The following FBXO38 variants were observed in gnomAD, a reference collection of about 807,000 sequenced individuals.
FBXO38 encodes the protein F-box only protein 38.
FBXO38 carries 53 observed loss-of-function variants against 131.9 expected under a neutral mutation model. The ratio of observed to expected loss-of-function variants is 0.40; its 90% confidence interval spans 0.32 to 0.51. The LOEUF (loss-of-function observed/expected upper bound fraction) is 0.51, where lower values mean the gene tolerates loss of function less well. Ranked by LOEUF, FBXO38 falls within the 20% of genes least tolerant of loss-of-function variation. The pLI, the probability that FBXO38 is intolerant of heterozygous loss-of-function variation, is 0.53. For synonymous variants in FBXO38, 452 were observed against 505.6 expected, an observed-to-expected ratio of 0.89 and a Z score of 1.42; for missense variants, 1,076 against 1,475.6, an observed-to-expected ratio of 0.73 and a Z score of 4.44.
At chr5:148,391,120 A>C (rs1758175036) in intron 1 of FBXO38, among the ~76,000 whole-genome samples, 1 of 152,228 alleles carries the variant, frequency 6.6e-6, no homozygotes, top group African/African-American at 2.4e-5. Flanking sequence ...GTGTCACTGC[A>C]GTAAAATCTG....
At chr5:148,432,981 T>C (rs1754121075) in intron 15 of FBXO38, among the ~76,000 whole-genome samples, 1 of 152,180 alleles carries the variant, frequency 6.6e-6, no homozygotes, top group Admixed American at 6.5e-5. Flanking sequence ...TCAGAGACAT[T>C]GGCAGTGGGA....
intron 1 of FBXO38, chr5:148,389,705 A>AT (rs1049279201): frequency 1.3e-5 from 2 of 152,180 alleles, no homozygotes; most frequent in African/African-American, 4.8e-5. Context: ...AACTAAAAAG[A>AT]AAAGCAAATA....
chr5:148,438,608 C>G (rs1754489188), intron 18 of FBXO38, 110 bp downstream of exon 18: 1 of 1,118,348 alleles, frequency 8.9e-7, no homozygotes, highest in South Asian at 1.6e-5. Flanking sequence ...CTTGCCCAAC[C>G]TACAGTAATG....
intron 12 of FBXO38, 47 bp downstream of exon 12, chr5:148,417,251 T>C: frequency 7.7e-7 from 1 of 1,297,324 alleles, no homozygotes. Context: ...ATTTTCACTT[T>C]GTATTGTATT....
At chr5:148,441,947 C>A (rs1478309925) in intron 21 of FBXO38, 22 bp from the exon 22 acceptor site, 2 of 1,597,014 alleles carry the variant, frequency 1.3e-6, no homozygotes, top group Admixed American at 1.7e-5. Context: ...ATGTATCTCT[C>A]CTTTTATTTC....
In FBXO38 at chr5:148,406,217, A is replaced by G. The variant is rs1285394130; in HGVS notation, c.731-40A>G. The G allele has an allele frequency of 2.0e-6, 3 of 1,509,522 alleles. No individual in the cohort carries two copies. The African/African-American group carries it at 4.3e-5, about 22-fold the overall frequency. 93.5% of individuals were successfully genotyped at this position (1,509,522 alleles called of 1,614,324 possible). ...ACTGATTTGAAATTCATTTTAAGGC[A>G]CTTTACATTGTTCTATCAAAGATTT... is the stretch of plus-strand genomic sequence containing the variant. On this transcript the variant is annotated intron_variant, in intron 6 of 21. Transcript: ENST00000340253.
chr5:148,427,635 C>G lies in FBXO38; in HGVS notation c.2341C>G (p.Pro781Ala). The G allele has an allele frequency of 6.2e-7, 1 of 1,614,140 alleles. No homozygotes were observed. Among genetic ancestry groups the G allele is most frequent in the Non-Finnish European group, 8.5e-7 (1 of 1,180,014 alleles). Reference sequence around the variant, plus strand: ...CTGCCCCAGATGCTGCTGTCACAGGCCCCAGGAATCCCAAAGGAGAACTAG... The same window carrying G: ...CTGCCCCAGATGCTGCTGTCACAGGGCCCAGGAATCCCAAAGGAGAACTAG... ...SVCPRCCCHR[P>A]QESQRRTSRC... The change falls in exon 15 of 22, where the codon CCC (proline) becomes GCC (alanine). Residue 781 changes from proline to alanine, a missense_variant. Coordinates refer to ENST00000340253, the MANE Select transcript of FBXO38 (RefSeq NM_205836.3).
chr5:148,426,113 G>A (rs1204395514), intron 14 of FBXO38, among the ~76,000 whole-genome samples: 3 of 152,140 alleles, frequency 2.0e-5, no homozygotes, highest in South Asian at 2.1e-4. Flanking sequence ...GCTGGAAGGA[G>A]TCCTAAAGCA....
At chr5:148,420,207 C>T (rs1581266934) in intron 12 of FBXO38, among the ~76,000 whole-genome samples, 1 of 151,220 alleles carries the variant, frequency 6.6e-6, no homozygotes, top group Non-Finnish European at 1.5e-5. Flanking sequence ...ACTGTAGCCT[C>T]AAACTCCTGG....
At chr5:148,433,048 A>G (rs529603421) in intron 15 of FBXO38, among the ~76,000 whole-genome samples, 1 of 152,340 alleles carries the variant, frequency 6.6e-6, no homozygotes, top group African/African-American at 2.4e-5. Flanking sequence ...TCCAAATGTG[A>G]AGCATTGAAA....
chr5:148,439,447 C>T (rs1315310464), intron 18 of FBXO38, among the ~76,000 whole-genome samples, 200 bp from the exon 19 acceptor site: 1 of 151,792 alleles, frequency 6.6e-6, no homozygotes, highest in Non-Finnish European at 1.5e-5. Context: ...TATAAATTGC[C>T]AAGTTCCCTA....
At chr5:148,407,651 G>C (rs1752515036) in intron 7 of FBXO38, among the ~76,000 whole-genome samples, 1 of 151,964 alleles carries the variant, frequency 6.6e-6, no homozygotes, top group East Asian at 1.9e-4. Flanking sequence ...CCGGCCGGGC[G>C]CAGTGGCCCA....
chr5:148,440,459 C>T lies in FBXO38; in HGVS notation c.3206C>T (p.Thr1069Ile). 2 of 1,612,786 alleles carry T rather than the reference C, an allele frequency of 1.2e-6. No individual in the cohort carries two copies. The highest frequency in any genetic ancestry group is 1.7e-6 in the Non-Finnish European group (2 of 1,178,906). ...LIKYEFFPEA[T>I]RSEEDLKKYP... is the part of the protein sequence containing the mutation. ...AAATATGAATTCTTCCCTGAAGCCA[C>T]TCGAAGTGAAGAAGACTTAAAGAAA... The change falls in exon 20 of 22, where the codon ACT becomes ATT. Residue 1069 changes from threonine (T) to isoleucine (I), a missense_variant. This residue lies in a region of FBXO38 where 282 missense variants were observed against 418.8 expected (regional missense o/e 0.67). Coordinates refer to ENST00000340253, the MANE Select transcript of FBXO38 (RefSeq NM_205836.3).
chr5:148,442,209 A>G lies in FBXO38; in HGVS notation c.*62A>G, dbSNP rs535876606. 1.9e-5 allele frequency: 29 copies of G among 1,519,098 alleles called. No homozygotes were observed. Among genetic ancestry groups the G allele is most frequent in the Non-Finnish European group, 2.5e-5 (28 of 1,104,728 alleles). The allele number at this position is 1,519,098 out of a possible 1,614,324, so 94.1% of individuals were successfully genotyped here. A position where few individuals can be genotyped will look rare whatever the true frequency, so the allele number is the denominator to read the frequency against. On this transcript the variant is annotated 3_prime_UTR_variant, in exon 22 of 22. Coordinates refer to ENST00000340253, the MANE Select transcript of FBXO38 (RefSeq NM_205836.3). Reference sequence around the variant, plus strand: ...GCAAGTAGGGCCATCCAGCTGCCAGAGTGCTCCACAGGGACTTGAGGCATG... The same window carrying G: ...GCAAGTAGGGCCATCCAGCTGCCAGGGTGCTCCACAGGGACTTGAGGCATG...
At chr5:148,395,842 C>T (rs1400456902) in intron 2 of FBXO38, among the ~76,000 whole-genome samples, 2 of 151,842 alleles carry the variant, frequency 1.3e-5, no homozygotes, top group Admixed American at 6.6e-5. Flanking sequence ...TTTCCCTTGT[C>T]TGACATCTAG....
intron 6 of FBXO38, among the ~76,000 whole-genome samples, chr5:148,405,336 C>T (rs776954730): frequency 6.6e-6 from 1 of 152,028 alleles, no homozygotes; most frequent in Non-Finnish European, 1.5e-5. Context: ...TAGGCTTTTT[C>T]TTCTTCTTCT....
chr5:148,413,957 A>G, intron 9 of FBXO38, 179 bp from the exon 10 acceptor site: 1 of 452,444 alleles, frequency 2.2e-6, no homozygotes, highest in Non-Finnish European at 3.9e-6. Flanking sequence ...TTTGTACAAG[A>G]AGTGCTACCA....
intron 12 of FBXO38, among the ~76,000 whole-genome samples, chr5:148,422,994 C>T (rs541186495): frequency 4.3e-4 from 65 of 150,262 alleles, no homozygotes; most frequent in Non-Finnish European, 8.3e-4. Flanking sequence ...GTTTTAACCA[C>T]TGGACTACTA....
intron 8 of FBXO38, among the ~76,000 whole-genome samples, chr5:148,409,463 G>C (rs1296082186): frequency 6.6e-6 from 1 of 152,174 alleles, no homozygotes; most frequent in Non-Finnish European, 1.5e-5. Flanking sequence ...TCATATCAGA[G>C]AAAAGCAGTG....
Sources: allele counts gnomAD v4.1 joint callset (sites outside exome capture counted in the v4.1 genomes callset), GRCh38; gene constraint gnomAD v4.1.1; regional missense constraint gnomAD v4.1.1; transcripts MANE v1.5; gene names NCBI Gene and HGNC (gene_info 2026-07-23, HGNC 2026-07-21).